TENM4: variants seen among roughly 807,000 people sequenced by gnomAD.
TENM4 encodes the protein teneurin transmembrane protein 4.
A neutral mutation model predicts 243.3 loss-of-function variants in TENM4; 82 were observed. That is an observed-to-expected ratio of 0.34 (90% CI 0.28 to 0.40). TENM4 has a LOEUF of 0.40. TENM4 is among the 10% of genes least tolerant of loss of function. The probability of loss-of-function intolerance (pLI) is 1.00; values close to 1 mark genes in which losing one functional copy is unlikely to be tolerated. For synonymous variants in TENM4, 1,412 were observed against 1,456.3 expected, an observed-to-expected ratio of 0.97 and a Z score of 0.69; for missense variants, 3,138 against 3,673.3, an observed-to-expected ratio of 0.85 and a Z score of 3.77.
At chr11:78,691,197 G>A (rs1858813286) in intron 28 of TENM4, among the ~76,000 whole-genome samples, 1 of 152,190 alleles carries the variant, frequency 6.6e-6, no homozygotes, top group African/African-American at 2.4e-5. Flanking sequence ...TGGACTGTGA[G>A]TGCTTGAGGT....
At chr11:78,857,644 A>G (rs1253419758) in intron 10 of TENM4, among the ~76,000 whole-genome samples, 1 of 152,258 alleles carries the variant, frequency 6.6e-6, no homozygotes, top group Non-Finnish European at 1.5e-5. Context: ...TATCAATAAA[A>G]GTACCACTAG....
At chr11:78,858,210 T>C (rs1253240536) in intron 10 of TENM4, among the ~76,000 whole-genome samples, 9 of 152,106 alleles carry the variant, frequency 5.9e-5, no homozygotes, top group African/African-American at 2.2e-4. Context: ...ATCAGCTAGG[T>C]TTTGCAGCCT....
intron 4 of TENM4, among the ~76,000 whole-genome samples, chr11:79,081,900 CG>C (rs2137030689): frequency 1.3e-5 from 2 of 152,240 alleles, no homozygotes; most frequent in East Asian, 3.9e-4. Flanking sequence ...AAAGTGACCT[CG>C]GAACAGTCCT....
At position 78,688,102 on chromosome 11, in the gene TENM4, T is replaced by G; in HGVS notation, c.5212A>C (p.Ile1738Leu). Residue 1738 changes from isoleucine (I) to leucine (L), a missense_variant, in exon 29 of 34, where the codon ATA becomes CTA. Physicochemically the swap from Ile to Leu is conservative, Grantham distance 5 (BLOSUM62 2). Transcript: ENST00000278550. ...CCTGAGGCAGACAGGTTGGTGGTTA[T>G]GGTGACATCATCCTTGCTGGAGGTC... ...VETSSKDDVT[I>L]TTNLSASGAF... is the part of the protein sequence containing the mutation. 1 of 1,613,984 alleles carries G rather than the reference T, an allele frequency of 6.2e-7. No individual in the cohort carries two copies. The highest frequency in any genetic ancestry group is 8.5e-7 in the Non-Finnish European group (1 of 1,179,888).
At chr11:79,362,388 A>AGGAT (rs1295950300) in intron 1 of TENM4, among the ~76,000 whole-genome samples, 2 of 152,250 alleles carry the variant, frequency 1.3e-5, no homozygotes, top group Admixed American at 6.5e-5. Flanking sequence ...ACACGGAAAT[A>AGGAT]GGATGCTCTA....
chr11:79,189,378 T>A (rs962265715), intron 3 of TENM4, among the ~76,000 whole-genome samples: 2 of 152,222 alleles, frequency 1.3e-5, no homozygotes, highest in Admixed American at 6.5e-5. Flanking sequence ...ACACAAGCAT[T>A]TATCATAATT....
chr11:78,753,317 C>T (rs1206037826), intron 19 of TENM4, among the ~76,000 whole-genome samples: 1 of 152,212 alleles, frequency 6.6e-6, no homozygotes, highest in African/African-American at 2.4e-5. Flanking sequence ...GAGCCACCTA[C>T]ACAAAGGTTA....
intron 29 of TENM4, among the ~76,000 whole-genome samples, chr11:78,687,308 T>C (rs565601403): frequency 6.6e-6 from 1 of 152,244 alleles, no homozygotes; most frequent in African/African-American, 2.4e-5. Flanking sequence ...GAGTCAGAAC[T>C]AGAACTTGGG....
intron 6 of TENM4, among the ~76,000 whole-genome samples, chr11:78,930,796 G>C (rs1308547809): frequency 6.6e-6 from 1 of 152,184 alleles, no homozygotes; most frequent in Non-Finnish European, 1.5e-5. Flanking sequence ...GTGTGGATAA[G>C]AGCCCTTTCT....
At chr11:78,914,859 T>G (rs1856277757) in intron 6 of TENM4, among the ~76,000 whole-genome samples, 1 of 152,240 alleles carries the variant, frequency 6.6e-6, no homozygotes, top group African/African-American at 2.4e-5. Flanking sequence ...TCCTCACTGG[T>G]GGAGAGTCAG....
intron 1 of TENM4, among the ~76,000 whole-genome samples, chr11:79,385,219 C>T (rs1858087700): frequency 6.6e-6 from 1 of 152,160 alleles, no homozygotes; most frequent in African/African-American, 2.4e-5. Context: ...GCTGCCAAGA[C>T]CAATCAAATC....
chr11:78,876,002 A>T (rs568795890), intron 9 of TENM4, among the ~76,000 whole-genome samples: 49 of 152,292 alleles, frequency 3.2e-4, no homozygotes, highest in African/African-American at 1.1e-3. Context: ...GGACAGGGAC[A>T]TGAGAGGAGG....
At chr11:79,432,301 C>G (rs1158259533) in intron 1 of TENM4, among the ~76,000 whole-genome samples, 1 of 152,174 alleles carries the variant, frequency 6.6e-6, no homozygotes, top group East Asian at 1.9e-4. Flanking sequence ...TGCTATTTAT[C>G]TGTCATGTGG....
At chr11:79,324,346 CAAGT>C (rs1393648468) in intron 1 of TENM4, among the ~76,000 whole-genome samples, 1 of 151,938 alleles carries the variant, frequency 6.6e-6, no homozygotes, top group Non-Finnish European at 1.5e-5. Context: ...CTTTGTATCC[CAAGT>C]AGCCAGGACT....
Position 78,656,294 on chromosome 11 carries a change from T to C in TENM4, c.*1764A>G, listed in dbSNP as rs1237993453. 1 of 152,252 alleles carries C rather than the reference T, an allele frequency of 6.6e-6. No individual in the cohort carries two copies. The highest frequency in any genetic ancestry group is 6.5e-5 in the Admixed American group (1 of 15,286). The allele number at this position is 152,252 out of a possible 1,614,324, so 9.4% of individuals were successfully genotyped here. On this transcript the variant is annotated 3_prime_UTR_variant, in exon 34 of 34. Coordinates refer to ENST00000278550, the MANE Select transcript of TENM4 (RefSeq NM_001098816.3). ...CACGGGGAATAGCTCAGACTCAGAA[T>C]TCATTTTCCACACTTAATGTAAATG...
intron 6 of TENM4, among the ~76,000 whole-genome samples, chr11:78,943,772 A>T (rs1856953748): frequency 6.6e-6 from 1 of 152,246 alleles, no homozygotes; most frequent in Non-Finnish European, 1.5e-5. Flanking sequence ...ATAAATTAAA[A>T]GTAGTATGTG....
chr11:79,313,028 A>C (rs1345972440), intron 1 of TENM4, among the ~76,000 whole-genome samples: 2 of 152,210 alleles, frequency 1.3e-5, no homozygotes, highest in African/African-American at 4.8e-5. Flanking sequence ...AGTCACTGTC[A>C]GAAATAATCA....
intron 6 of TENM4, among the ~76,000 whole-genome samples, chr11:78,977,296 GT>G (rs1857683969): frequency 1.3e-5 from 2 of 152,166 alleles, no homozygotes; most frequent in African/African-American, 4.8e-5. Context: ...CAACAACACT[GT>G]TTTCACATAT....
chr11:79,079,192 C>T (rs542119337), intron 4 of TENM4, among the ~76,000 whole-genome samples: 2 of 152,286 alleles, frequency 1.3e-5, no homozygotes, highest in South Asian at 4.1e-4. Context: ...CATCCCTAAT[C>T]AGCGGCTGGC....
Sources: allele counts gnomAD v4.1 joint callset (sites outside exome capture counted in the v4.1 genomes callset), GRCh38; gene constraint gnomAD v4.1.1; transcripts MANE v1.5; gene names NCBI Gene and HGNC (gene_info 2026-07-23, HGNC 2026-07-21).